TTC7B: variants seen among roughly 807,000 people sequenced by gnomAD.
The protein encoded by TTC7B is tetratricopeptide repeat domain 7B, also known as tetratricopeptide repeat protein 7B.
In TTC7B, 28 loss-of-function variants were observed where a neutral mutation model predicts 106.8. That is an observed-to-expected ratio of 0.26 (90% CI 0.19 to 0.36). The LOEUF (loss-of-function observed/expected upper bound fraction) is 0.36, where lower values mean the gene tolerates loss of function less well. Ranked by LOEUF, TTC7B falls within the 10% of genes least tolerant of loss-of-function variation. TTC7B has a pLI of 1.00. For synonymous variants in TTC7B, 405 were observed against 430.6 expected, an observed-to-expected ratio of 0.94 and a Z score of 0.74; for missense variants, 862 against 1,076.4, an observed-to-expected ratio of 0.80 and a Z score of 2.79.
intron 1 of TTC7B, among the ~76,000 whole-genome samples, chr14:90,797,909 C>T (rs2029979926): frequency 6.6e-6 from 1 of 152,190 alleles, no homozygotes; most frequent in Non-Finnish European, 1.5e-5. Flanking sequence ...GAGCAGATCT[C>T]CATACGACTC....
rs767968471 is a variant in TTC7B at position 90,541,465 on chromosome 14, C to T, written c.2435G>A (p.Gly812Asp). The change falls in exon 20 of 20, where the codon GGC becomes GAC. Residue 812 changes from glycine (G) to aspartate (D), a missense_variant. Physicochemically the swap from Gly to Asp is moderately conservative, Grantham distance 94 (BLOSUM62 -1). Coordinates refer to ENST00000328459, the MANE Select transcript of TTC7B (RefSeq NM_001010854.2). ...GCACTCCGTAGCCGCCGCATCGTTG[C>T]CCTGAGCTTGGAGGACCTCGCCCAG... Reference protein sequence around the residue: ...NGLGEVLQAQGNDAAATECFL... With the variant: ...NGLGEVLQAQDNDAAATECFL... 4 of 1,614,068 alleles carry T rather than the reference C, an allele frequency of 2.5e-6. No individual in the cohort carries two copies. The highest frequency in any genetic ancestry group is 3.4e-6 in the Non-Finnish European group (4 of 1,179,990).
intron 7 of TTC7B, among the ~76,000 whole-genome samples, chr14:90,680,747 A>C (rs1887020096): frequency 6.6e-6 from 1 of 152,200 alleles, no homozygotes; most frequent in African/African-American, 2.4e-5. Flanking sequence ...CAGAAGGGTA[A>C]AGTAAAGCTG....
chr14:90,701,782 A>G (rs1246981131), intron 5 of TTC7B, among the ~76,000 whole-genome samples: 2 of 132,582 alleles, frequency 1.5e-5, no homozygotes, highest in African/African-American at 3.0e-5. Context: ...ATATATGTAT[A>G]TGTGTGTGTG....
Position 90,608,702 on chromosome 14 carries a change from A to G in TTC7B, c.1966+2040T>C, listed in dbSNP as rs1300102324. On this transcript the variant is annotated intron_variant, in intron 17 of 19. Transcript: ENST00000328459. This position sits in a 1 kb window ranked among gnomAD's most constrained non-coding sequence, Gnocchi z 5.1. ...TTCCCTAAACACCATGGCATCTGAG[A>G]AAGCTGAATCTGAAGAGGGAGACTC... is the stretch of plus-strand genomic sequence containing the variant. Among the ~76,000 whole-genome samples, 1 of 152,250 alleles carries G rather than the reference A, an allele frequency of 6.6e-6. No individual in the cohort carries two copies. The highest frequency in any genetic ancestry group is 2.4e-5 in the African/African-American group (1 of 41,466).
At chr14:90,677,869 T>A (rs1282456415) in intron 8 of TTC7B, 1 of 452,976 alleles carries the variant, frequency 2.2e-6, no homozygotes, top group Non-Finnish European at 4.4e-6. Context: ...TAAGAATATA[T>A]AAGACAGGCC....
At chr14:90,626,655 G>T (rs1884455747) in intron 15 of TTC7B, among the ~76,000 whole-genome samples, 2 of 152,182 alleles carry the variant, frequency 1.3e-5, no homozygotes, top group Admixed American at 1.3e-4. Context: ...AAACTTTTTT[G>T]AAACGTGCAC....
intron 3 of TTC7B, among the ~76,000 whole-genome samples, chr14:90,777,235 G>GT (rs1255164157): frequency 1.3e-5 from 2 of 152,144 alleles, no homozygotes; most frequent in East Asian, 3.9e-4. Flanking sequence ...GCGAGACTCC[G>GT]TTTTTTTATT....
intron 3 of TTC7B, among the ~76,000 whole-genome samples, chr14:90,762,475 C>T (rs966189495): frequency 4.6e-5 from 7 of 152,252 alleles, no homozygotes; most frequent in African/African-American, 1.4e-4. Context: ...CTATTCTCCA[C>T]TCTGTGCCAG....
chr14:90,543,328 C>G lies in TTC7B; in HGVS notation c.2311-1739G>C, dbSNP rs538872842. Among the ~76,000 whole-genome samples the G allele has an allele frequency of 5.9e-5, 9 of 152,286 alleles. No individual in the cohort carries two copies. The South Asian group carries it at 1.2e-3, about 21-fold the overall frequency. The stretch of plus-strand genomic sequence containing the variant: ...TCTTTTAAGTAGTTGACTACTTTAT[C>G]TTGGCAGAGTGATGGATTCCTCCTA... On this transcript the variant is annotated intron_variant, in intron 19 of 19. Coordinates refer to ENST00000328459, the MANE Select transcript of TTC7B (RefSeq NM_001010854.2).
At chr14:90,668,362 T>C (rs1311966100) in intron 9 of TTC7B, among the ~76,000 whole-genome samples, 2 of 152,136 alleles carry the variant, frequency 1.3e-5, no homozygotes, top group East Asian at 3.9e-4. Flanking sequence ...GCCAAGTATA[T>C]TTCTCAAAGT....
chr14:90,566,197 C>CA (rs1467980524), intron 19 of TTC7B, among the ~76,000 whole-genome samples: 1 of 151,948 alleles, frequency 6.6e-6, no homozygotes, highest in Non-Finnish European at 1.5e-5. Flanking sequence ...ACTAAAAATA[C>CA]AAAAACTAGC....
intron 11 of TTC7B, among the ~76,000 whole-genome samples, chr14:90,656,502 C>T (rs936696972): frequency 8.5e-5 from 13 of 152,124 alleles, no homozygotes; most frequent in South Asian, 2.1e-4. Flanking sequence ...AAGAAAAACG[C>T]GTATGTGAAG....
intron 1 of TTC7B, among the ~76,000 whole-genome samples, chr14:90,791,839 C>G (rs896565087): frequency 6.6e-6 from 1 of 151,984 alleles, no homozygotes; most frequent in African/African-American, 2.4e-5. Context: ...CACCGAGCCC[C>G]CGACTGCTTA....
At chr14:90,752,804 C>A (rs1254602294) in intron 3 of TTC7B, among the ~76,000 whole-genome samples, 1 of 152,242 alleles carries the variant, frequency 6.6e-6, no homozygotes, top group Non-Finnish European at 1.5e-5. Flanking sequence ...CAAAGTGTTG[C>A]TCACAATCTC....
At chr14:90,679,496 C>T (rs4467008) in intron 8 of TTC7B, among the ~76,000 whole-genome samples, 109,520 of 152,154 alleles carry the variant, frequency 0.72, 39,777 homozygotes, top group East Asian at 0.96. Flanking sequence ...TGGGCTGCCC[C>T]GGGGGTTGGC....
At chr14:90,641,926 TGTGTGTGC>T (rs1348505082) in intron 15 of TTC7B, among the ~76,000 whole-genome samples, 1 of 130,362 alleles carries the variant, frequency 7.7e-6, no homozygotes, top group Admixed American at 7.4e-5. Context: ...AGAGCTTGTG[TGTGTGTGC>T]GTGTGTGTGT....
intron 19 of TTC7B, among the ~76,000 whole-genome samples, chr14:90,542,936 G>C (rs1268519811): frequency 6.6e-6 from 1 of 152,142 alleles, no homozygotes; most frequent in Non-Finnish European, 1.5e-5. Flanking sequence ...ATCCCCAAAG[G>C]TTGCCTCACT....
intron 17 of TTC7B, among the ~76,000 whole-genome samples, chr14:90,606,052 T>A (rs539371962): frequency 1.3e-5 from 2 of 152,378 alleles, no homozygotes; most frequent in East Asian, 3.8e-4. Context: ...AATACATCTT[T>A]AGCCTACAAT....
intron 8 of TTC7B, 107 bp from the exon 9 acceptor site, chr14:90,676,767 G>A (rs890768482): frequency 4.8e-6 from 6 of 1,251,858 alleles, no homozygotes; most frequent in Non-Finnish European, 6.7e-6. Flanking sequence ...AGGGAATGGA[G>A]ACAAGGGTAG....
Sources: gnomAD v4.1 joint callset for allele counts (sites outside exome capture counted in the v4.1 genomes callset) on GRCh38, gnomAD v4.1.1 for gene constraint, Gnocchi (gnomAD v3.1) non-coding constraint, MANE v1.5 for transcripts, NCBI Gene and HGNC (gene_info 2026-07-23, HGNC 2026-07-21) for gene names.